The following TTC3 variants were observed in gnomAD, a reference collection of about 807,000 sequenced individuals.
The protein encoded by TTC3 is tetratricopeptide repeat domain 3.
Under a neutral mutation model 249.6 loss-of-function variants are expected in TTC3, and 180 were observed. The observed-to-expected ratio is 0.72, with a 90% CI of 0.64 to 0.82. The LOEUF (loss-of-function observed/expected upper bound fraction) is 0.82. TTC3 is among the 40% of genes least tolerant of loss of function. The pLI, the probability that TTC3 is intolerant of heterozygous loss-of-function variation, is 0.00. For synonymous variants in TTC3, 717 were observed against 805.0 expected (o/e 0.89, Z 1.85); for missense variants, 2,061 against 2,398.4 (o/e 0.86, Z 2.94).
chr21:37,113,671 A>G (rs2075871274), intron 11 of TTC3, among the ~76,000 whole-genome samples: 1 of 152,220 alleles, frequency 6.6e-6, no homozygotes, highest in Non-Finnish European at 1.5e-5. Flanking sequence ...TCTTCACAGA[A>G]TTGGAAAAAA....
chr21:37,162,647 A>G (rs919082196), intron 31 of TTC3, among the ~76,000 whole-genome samples: 4 of 88,336 alleles, frequency 4.5e-5, no homozygotes, highest in African/African-American at 1.8e-4. Context: ...TAAAGGAGCT[A>G]TCAGAGCAGT....
rs1440003120 is a variant in TTC3 at position 37,121,509 on chromosome 21, AATT to A, written c.901-302_901-300del. On this transcript the variant is annotated intron_variant, in intron 11 of 45. Coordinates refer to ENST00000355666, the Ensembl canonical transcript of TTC3. ...ACATTTTTTACTTTATCTGGCACAAAATTATTATATTCTCTGTTAGCAAAATAT... is the reference window on the plus strand; with the variant it reads ...ACATTTTTTACTTTATCTGGCACAAAATTATATTCTCTGTTAGCAAAATAT... Among the ~76,000 whole-genome samples, 3 of 152,352 alleles carry A rather than the reference AATT, an allele frequency of 2.0e-5. No individual in the cohort carries two copies. In the East Asian group the frequency reaches 5.8e-4, roughly 29 times the overall value.
chr21:37,083,465 G>A, intron 1 of TTC3: 1 of 938,718 alleles, frequency 1.1e-6, no homozygotes, highest in Non-Finnish European at 1.3e-6. Context: ...TTAGTTCAGA[G>A]GAGAAACAGT....
At chr21:37,113,350 A>C (rs900674293) in intron 11 of TTC3, among the ~76,000 whole-genome samples, 3 of 152,250 alleles carry the variant, frequency 2.0e-5, no homozygotes, top group Non-Finnish European at 2.9e-5. Context: ...GTCTCAGAGT[A>C]CAAAATCAAT....
intron 1 of TTC3, among the ~76,000 whole-genome samples, chr21:37,078,966 AG>A (rs1165073485): frequency 6.6e-5 from 10 of 152,210 alleles, no homozygotes; most frequent in Non-Finnish European, 1.5e-4. Flanking sequence ...CCTTTGATTA[AG>A]TTAGGGAAGT....
Position 37,091,198 on chromosome 21 carries a change from G to A in TTC3, c.481-95G>A. 2.2e-6 allele frequency: 3 copies of A among 1,347,766 alleles called. No individual in the cohort carries two copies. The South Asian group carries it at 3.8e-5, about 17-fold the overall frequency. 83.5% of individuals were successfully genotyped at this position (1,347,766 alleles called of 1,614,324 possible). ...GTGGTTGTACCAGTTTTGTAGTAAG[G>A]ATCTGAAATACTTGCATAAGATGAA... On this transcript the variant is annotated intron_variant, in intron 6 of 45. Coordinates refer to ENST00000355666, the Ensembl canonical transcript of TTC3.
At chr21:37,194,783 A>C (rs2084670066) in intron 41 of TTC3, 1 of 152,110 alleles carries the variant, frequency 6.6e-6, no homozygotes, top group Admixed American at 6.6e-5. Flanking sequence ...GGATTACGGG[A>C]AGCTACTATG....
chr21:37,100,127 G>A (rs996789666), intron 10 of TTC3, among the ~76,000 whole-genome samples: 2 of 152,094 alleles, frequency 1.3e-5, no homozygotes, highest in Admixed American at 6.5e-5. Flanking sequence ...GAGAAGGAGG[G>A]AAAAGGGATT....
At chr21:37,202,147 TCTC>T (rs761221147) in exon 46 of TTC3, 2 of 152,230 alleles carry the variant, frequency 1.3e-5, no homozygotes, top group African/African-American at 2.4e-5. Flanking sequence ...AAGATTCAAA[TCTC>T]CTCTTTGTGA....
chr21:37,088,372 T>C, intron 4 of TTC3, 26 bp downstream of exon 4: 1 of 1,594,864 alleles, frequency 6.3e-7, no homozygotes, highest in East Asian at 2.2e-5. Flanking sequence ...TTGCTCATTT[T>C]GTGTGGACAG....
At chr21:37,109,423 C>A (rs189960146) in intron 11 of TTC3, among the ~76,000 whole-genome samples, 132 of 152,352 alleles carry the variant, frequency 8.7e-4, no homozygotes, top group Non-Finnish European at 1.3e-3. Flanking sequence ...TATCCCGCAC[C>A]TGGCTCGGAG....
At chr21:37,129,593 A>C (rs1042730453) in intron 16 of TTC3, among the ~76,000 whole-genome samples, 1 of 152,184 alleles carries the variant, frequency 6.6e-6, no homozygotes, top group African/African-American at 2.4e-5. Flanking sequence ...TCTATCAAAC[A>C]TCCCCATGAA....
intron 44 of TTC3, 140 bp downstream of exon 44, chr21:37,198,165 A>T: frequency 1.8e-6 from 2 of 1,110,860 alleles, no homozygotes; most frequent in East Asian, 5.5e-5. Flanking sequence ...ATGTACTTGA[A>T]TGTGTCCAGT....
chr21:37,196,680 C>T (rs142713579), intron 42 of TTC3, among the ~76,000 whole-genome samples: 7 of 152,202 alleles, frequency 4.6e-5, no homozygotes, highest in Admixed American at 1.3e-4. Flanking sequence ...AATAAATGAA[C>T]GCAAAACAAT....
chr21:37,091,836 C>T (rs1246903978), intron 7 of TTC3, among the ~76,000 whole-genome samples: 1 of 152,190 alleles, frequency 6.6e-6, no homozygotes, highest in Non-Finnish European at 1.5e-5. Context: ...CTGCCTTGGC[C>T]TCCCAAAGTG....
At chr21:37,151,280 T>A (rs937068053) in intron 25 of TTC3, among the ~76,000 whole-genome samples, 5 of 152,104 alleles carry the variant, frequency 3.3e-5, no homozygotes, top group African/African-American at 4.8e-5. Context: ...CCTATGACTA[T>A]TTTTTACCCT....
At chr21:37,188,625 C>A (rs372151965) in intron 39 of TTC3, 30 bp downstream of exon 39, 4 of 1,558,110 alleles carry the variant, frequency 2.6e-6, no homozygotes, top group Non-Finnish European at 3.5e-6. Flanking sequence ...GTTCTCAGCA[C>A]GTCATTTAGA....
At chr21:37,073,553 A>C in intron 1 of TTC3, 80 bp downstream of exon 1, 1 of 962,236 alleles carries the variant, frequency 1.0e-6, no homozygotes, top group Non-Finnish European at 1.2e-6. Context: ...GTCCCGCGCG[A>C]TGAGGGGGTG....
rs573388638 is a variant in TTC3 at position 37,141,870 on chromosome 21, G to A, written c.1772+1197G>A. ...ATCCTTAATAAAATACTGGCAAACCGAATCCAGCAGCACATCAAAAAGCTT... is the reference window on the plus strand; with the variant it reads ...ATCCTTAATAAAATACTGGCAAACCAAATCCAGCAGCACATCAAAAAGCTT... On this transcript the variant is annotated intron_variant, in intron 20 of 45. Coordinates refer to ENST00000355666, the Ensembl canonical transcript of TTC3. Among the ~76,000 whole-genome samples, 12 of 152,176 alleles carry A rather than the reference G, an allele frequency of 7.9e-5. No homozygotes were observed. The East Asian group carries it at 2.3e-3, about 29-fold the overall frequency.
Sources: allele counts gnomAD v4.1 joint callset (sites outside exome capture counted in the v4.1 genomes callset), GRCh38; gene constraint gnomAD v4.1.1; transcripts MANE v1.5; gene names NCBI Gene and HGNC (gene_info 2026-07-23, HGNC 2026-07-21).